Variants in RNF13 observed in about 807,000 individuals in gnomAD.
RNF13 encodes E3 ubiquitin-protein ligase RNF13.
In RNF13, 19 loss-of-function variants were observed where a neutral mutation model predicts 37.7. The observed-to-expected ratio is 0.50, with a 90% CI of 0.35 to 0.74. The LOEUF (loss-of-function observed/expected upper bound fraction) is 0.74, where lower values mean the gene tolerates loss of function less well. RNF13 is among the 30% of genes least tolerant of loss of function. The pLI, the probability that RNF13 is intolerant of heterozygous loss-of-function variation, is 0.01. For synonymous variants in RNF13, 144 were observed against 157.8 expected (o/e 0.91, Z 0.65); for missense variants, 375 against 453.0 (o/e 0.83, Z 1.56).
intron 7 of RNF13, among the ~76,000 whole-genome samples, chr3:149,917,171 A>C (rs1282055288): frequency 6.6e-6 from 1 of 152,130 alleles, no homozygotes; most frequent in Non-Finnish European, 1.5e-5. Context: ...AATTGGGCAC[A>C]CTTGGTTCAG....
intron 7 of RNF13, among the ~76,000 whole-genome samples, chr3:149,913,091 T>C (rs1430553215): frequency 6.6e-6 from 1 of 152,152 alleles, no homozygotes; most frequent in Non-Finnish European, 1.5e-5. Flanking sequence ...ATTGAATTCA[T>C]AGATTAGTTT....
At chr3:149,853,231 T>C (rs997557835) in intron 3 of RNF13, among the ~76,000 whole-genome samples, 13 of 152,166 alleles carry the variant, frequency 8.5e-5, no homozygotes, top group African/African-American at 3.1e-4. Flanking sequence ...CATTTCCAAA[T>C]GTAGAATTGC....
intron 8 of RNF13, chr3:149,938,994 A>G: frequency 2.1e-6 from 1 of 473,868 alleles, no homozygotes. Flanking sequence ...ATTTTCCTAA[A>G]GAGACTTCCT....
chr3:149,817,415 T>G (rs532935313), intron 1 of RNF13: 73 of 152,340 alleles, frequency 4.8e-4, no homozygotes, highest in African/African-American at 1.8e-3. Flanking sequence ...ATTCTCACCG[T>G]AAGAATTTTG....
chr3:149,930,978 T>C (rs1302971390), intron 8 of RNF13, among the ~76,000 whole-genome samples: 2 of 152,200 alleles, frequency 1.3e-5, no homozygotes, highest in Non-Finnish European at 2.9e-5. Flanking sequence ...TAGCTAGATA[T>C]CGATTTCATT....
At chr3:149,941,144 T>A (rs1720219379) in intron 8 of RNF13, among the ~76,000 whole-genome samples, 1 of 152,222 alleles carries the variant, frequency 6.6e-6, no homozygotes, top group African/African-American at 2.4e-5. Flanking sequence ...CTATTATAAA[T>A]AATGCTTCCA....
At chr3:149,954,304 T>C (rs1384690381) in intron 8 of RNF13, among the ~76,000 whole-genome samples, 1 of 152,118 alleles carries the variant, frequency 6.6e-6, no homozygotes. Context: ...ATACCAGTGA[T>C]AGTACCATGG....
At chr3:149,888,840 G>C (rs183115555) in intron 4 of RNF13, among the ~76,000 whole-genome samples, 2 of 152,116 alleles carry the variant, frequency 1.3e-5, no homozygotes, top group South Asian at 4.1e-4. Context: ...ACTTAACTTC[G>C]TTCATATATA....
intron 3 of RNF13, among the ~76,000 whole-genome samples, chr3:149,871,658 T>C (rs1025761192): frequency 6.6e-6 from 1 of 152,072 alleles, no homozygotes; most frequent in Non-Finnish European, 1.5e-5. Context: ...TTATTTATTA[T>C]GTGCATTTCA....
chr3:149,851,080 A>G (rs573200019), intron 2 of RNF13: 52 of 152,340 alleles, frequency 3.4e-4, no homozygotes, highest in African/African-American at 1.2e-3. Context: ...TTCCTGAGCT[A>G]ATTACAAGCA....
chr3:149,821,957 G>T (rs1002209944), intron 1 of RNF13, among the ~76,000 whole-genome samples: 2 of 152,090 alleles, frequency 1.3e-5, no homozygotes, highest in Non-Finnish European at 2.9e-5. Flanking sequence ...GGCTATAGAT[G>T]TATCAGTTTA....
chr3:149,855,957 C>G (rs1370729122), intron 3 of RNF13, among the ~76,000 whole-genome samples: 2 of 152,128 alleles, frequency 1.3e-5, no homozygotes, highest in African/African-American at 4.8e-5. Flanking sequence ...TCAGACTATT[C>G]CTTCTCACTG....
At chr3:149,960,628 C>A in intron 9 of RNF13, 112 bp from the exon 10 acceptor site, 2 of 1,004,390 alleles carry the variant, frequency 2.0e-6, no homozygotes, top group South Asian at 2.3e-5. Flanking sequence ...AATAAACTTT[C>A]TTCCCGTCCC....
At chr3:149,841,949 G>A (rs879776588) in intron 1 of RNF13, among the ~76,000 whole-genome samples, 5 of 152,076 alleles carry the variant, frequency 3.3e-5, no homozygotes, top group Admixed American at 1.3e-4. Flanking sequence ...TCTTAAATGT[G>A]AAAATTTTAG....
rs1716177901 is a variant in RNF13 at position 149,904,387 on chromosome 3, A to G, written c.500+2225A>G. On this transcript the variant is annotated intron_variant, in intron 6 of 9. Coordinates refer to ENST00000392894, the MANE Select transcript of RNF13 (RefSeq NM_183381.3). ...ATAAAGCTAAATTATTATCATTATT[A>G]TTATTATTTTTGAGACAGGCTGTTA... Among the ~76,000 whole-genome samples, 4 of 151,980 alleles carry G rather than the reference A, an allele frequency of 2.6e-5. No individual in the cohort carries two copies. The South Asian group carries it at 8.3e-4, about 32-fold the overall frequency.
intron 8 of RNF13, among the ~76,000 whole-genome samples, chr3:149,945,719 C>G (rs1005207472): frequency 6.6e-6 from 1 of 152,166 alleles, no homozygotes; most frequent in East Asian, 1.9e-4. Context: ...TGAGATGAAG[C>G]TTCTGGAGGA....
At chr3:149,851,088 G>A (rs545339879) in intron 2 of RNF13, 2 of 152,324 alleles carry the variant, frequency 1.3e-5, no homozygotes, top group South Asian at 4.1e-4. Context: ...CTAATTACAA[G>A]CATACAGTGA....
intron 3 of RNF13, among the ~76,000 whole-genome samples, chr3:149,867,908 G>A (rs191120811): frequency 1.7e-4 from 25 of 151,148 alleles, no homozygotes; most frequent in Non-Finnish European, 3.0e-4. Flanking sequence ...TTTTTAATTC[G>A]TTGCTTTTTA....
At chr3:149,883,946 G>A (rs970277757) in intron 4 of RNF13, among the ~76,000 whole-genome samples, 1 of 152,144 alleles carries the variant, frequency 6.6e-6, no homozygotes, top group Non-Finnish European at 1.5e-5. Context: ...GTGAGAACAC[G>A]TGGTGTTTGG....
Sources: allele counts gnomAD v4.1 joint callset (sites outside exome capture counted in the v4.1 genomes callset), GRCh38; gene constraint gnomAD v4.1.1; transcripts MANE v1.5; gene names NCBI Gene and HGNC (gene_info 2026-07-23, HGNC 2026-07-21).